The following CUBN variants were observed in gnomAD, a reference collection of about 807,000 sequenced individuals.
The protein encoded by CUBN is cubilin.
Under a neutral mutation model 405.3 loss-of-function variants are expected in CUBN, and 282 were observed. The ratio of observed to expected loss-of-function variants is 0.70; its 90% CI spans 0.63 to 0.77. The LOEUF is 0.77. CUBN is among the 30% of genes least tolerant of loss of function. CUBN has a pLI of 0.00. For missense variants in CUBN, 4,514 were observed against 4,475.2 expected (o/e 1.01, Z -0.25); for synonymous variants, 1,684 against 1,617.0 (o/e 1.04, Z -0.99).
chr10:17,019,411 T>C (rs758821679), intron 28 of CUBN, among the ~76,000 whole-genome samples: 18 of 152,060 alleles, frequency 1.2e-4, no homozygotes, highest in Non-Finnish European at 2.4e-4. Flanking sequence ...CTGACTTTCA[T>C]TCTTTCTAGT....
At chr10:16,878,351 C>G (rs867213993) in intron 56 of CUBN, among the ~76,000 whole-genome samples, 9 of 152,060 alleles carry the variant, frequency 5.9e-5, no homozygotes, top group Non-Finnish European at 1.2e-4. Flanking sequence ...ACTTTTGCAC[C>G]AACATAATAT....
At chr10:17,041,426 T>C (rs918093423) in intron 26 of CUBN, among the ~76,000 whole-genome samples, 1 of 151,846 alleles carries the variant, frequency 6.6e-6, no homozygotes, top group African/African-American at 2.4e-5. Flanking sequence ...AGTGAAAGGA[T>C]TTCCATTTAG....
At chr10:17,026,658 T>G (rs916602528) in intron 27 of CUBN, among the ~76,000 whole-genome samples, 1 of 150,680 alleles carries the variant, frequency 6.6e-6, no homozygotes, top group Non-Finnish European at 1.5e-5. Context: ...AAATAAATAA[T>G]AAGAATCACA....
At position 17,001,541 on chromosome 10, in the gene CUBN, C is replaced by G. The variant is rs181672115; in HGVS notation, c.4169-11026G>C. On this transcript the variant is annotated intron_variant, in intron 28 of 66. Coordinates refer to ENST00000377833, the MANE Select transcript of CUBN (RefSeq NM_001081.4). ...ATGCTTCAAGCTAGACAGAAAAGTT[C>G]TCCGAGTCCCCACTGGACCCAGGAA... Among the ~76,000 whole-genome samples the G allele has an allele frequency of 3.9e-4, 60 of 152,356 alleles. 1 individual carries two copies. The highest frequency in any genetic ancestry group is 1.4e-3 in the African/African-American group (59 of 41,594).
chr10:16,840,561 A>G lies in CUBN; in HGVS notation c.9827-26T>C, dbSNP rs1341609355. The G allele has an allele frequency of 3.3e-6, 5 of 1,528,736 alleles. No individual in the cohort carries two copies. In the South Asian group the frequency reaches 3.5e-5, roughly 11 times the overall value. 94.7% of individuals were successfully genotyped at this position (1,528,736 alleles called of 1,614,324 possible). A position where few individuals can be genotyped will look rare whatever the true frequency, so the allele number is the denominator to read the frequency against. ...CTGGAGAGGGAGGAAAAAGCAACAC[A>G]GGAGACATTTTATTCATGTCTCATC... On this transcript the variant is annotated intron_variant, in intron 61 of 66. Coordinates refer to ENST00000377833, the MANE Select transcript of CUBN (RefSeq NM_001081.4).
At position 16,939,001 on chromosome 10, in the gene CUBN, T is replaced by C. The variant is rs761221488; in HGVS notation, c.5695A>G (p.Ile1899Val). 6 of 1,613,954 alleles carry C rather than the reference T, an allele frequency of 3.7e-6. No individual in the cohort carries two copies. The highest frequency in any genetic ancestry group is 5.1e-6 in the Non-Finnish European group (6 of 1,179,846). ...TAATAGCAGTTTTGTATTTCTTCTA[T>C]GTCCATCTCCAAGATTCTACCATGG... ...VVHGRILEMD[I>V]EEIQNCYYDK... Residue 1899 changes from isoleucine (I) to valine (V), a missense_variant, in exon 38 of 67, where the codon ATA becomes GTA. Ile to Val is a conservative substitution (Grantham distance 29). Transcript: ENST00000377833.
At chr10:17,072,312 G>C (rs1392690626) in intron 17 of CUBN, among the ~76,000 whole-genome samples, 1 of 152,048 alleles carries the variant, frequency 6.6e-6, no homozygotes, top group African/African-American at 2.4e-5. Flanking sequence ...AAATACACGT[G>C]TTAGCCAAAT....
intron 38 of CUBN, among the ~76,000 whole-genome samples, chr10:16,938,577 T>C (rs1213337834): frequency 6.6e-6 from 1 of 152,278 alleles, no homozygotes; most frequent in South Asian, 2.1e-4. Context: ...AATGTCTGGA[T>C]AGCAATGATC....
At chr10:17,056,936 C>T (rs7922682) in intron 22 of CUBN, among the ~76,000 whole-genome samples, 131,497 of 152,120 alleles carry the variant, frequency 0.86, 57,230 homozygotes, top group East Asian at 0.95. Context: ...TCAAAAAGCA[C>T]GTGAAAAGGA....
chr10:16,888,422 A>C lies in CUBN; in HGVS notation c.8900T>G (p.Leu2967Ter). Residue 2967 changes from leucine to a stop codon, truncating the protein, a stop_gained, in exon 56 of 67, where the codon TTA becomes TGA. Transcript: ENST00000377833. LOFTEE classifies it high-confidence loss of function. The stretch of plus-strand genomic sequence containing the variant: ...TTTTAAAAGAATAAACTTACCTTCT[A>C]AGTGGAAGGACACAAAAGTCAAGAG... ...VVLLTFVSFH[L>*]EARSAVTGSC... 1 of 1,612,520 alleles carries C rather than the reference A, an allele frequency of 6.2e-7. No homozygotes were observed. The highest frequency in any genetic ancestry group is 2.2e-5 in the East Asian group (1 of 44,802).
intron 17 of CUBN, among the ~76,000 whole-genome samples, chr10:17,075,971 C>T (rs893678463): frequency 3.3e-5 from 5 of 152,132 alleles, no homozygotes; most frequent in African/African-American, 1.2e-4. Context: ...TACTGCAGTT[C>T]TTGAAAACTA....
intron 16 of CUBN, among the ~76,000 whole-genome samples, chr10:17,084,808 T>C (rs1468087484): frequency 6.6e-6 from 1 of 152,086 alleles, no homozygotes; most frequent in Non-Finnish European, 1.5e-5. Context: ...TACATAACTG[T>C]ATACATGAAG....
chr10:17,026,990 G>A (rs568169438), intron 27 of CUBN, among the ~76,000 whole-genome samples: 15 of 152,284 alleles, frequency 9.9e-5, no homozygotes, highest in African/African-American at 2.4e-4. Context: ...AAAACCCATC[G>A]AAATACCACA....
rs1445637553 is a variant in CUBN at position 17,123,629 on chromosome 10, G to T, written c.448C>A (p.Leu150Met). The change falls in exon 5 of 67, where the codon CTG (leucine) becomes ATG (methionine). Residue 150 changes from leucine to methionine, a missense_variant. By Grantham distance (15) the Leu-to-Met change is conservative (BLOSUM62 2). Transcript: ENST00000377833. ...PCQNGGTCLNLHDSFFCICPP... is the reference protein window; with the variant it reads ...PCQNGGTCLNMHDSFFCICPP... Reference sequence around the variant, plus strand: ...CAGATACAAAAAAAGGAATCATGCAGATTGAGGCAGGTTCCACCATTCTGG... The same window carrying T: ...CAGATACAAAAAAAGGAATCATGCATATTGAGGCAGGTTCCACCATTCTGG... The T allele has an allele frequency of 2.5e-6, 4 of 1,613,954 alleles. No individual in the cohort carries two copies. Among genetic ancestry groups the T allele is most frequent in the Admixed American group, 3.3e-5 (2 of 59,996 alleles).
At chr10:16,974,660 C>T (rs1214160604) in intron 31 of CUBN, among the ~76,000 whole-genome samples, 4 of 152,210 alleles carry the variant, frequency 2.6e-5, no homozygotes, top group African/African-American at 4.8e-5. Flanking sequence ...CGTGAGCCAC[C>T]GCGCCCGGCC....
chr10:16,836,236 T>C lies in CUBN; in HGVS notation c.10179A>G (p.Ala3393=). 1 of 1,613,620 alleles carries C rather than the reference T, an allele frequency of 6.2e-7. No homozygotes were observed. The highest frequency in any genetic ancestry group is 1.7e-4 in the Middle Eastern group (1 of 6,058). The change falls in exon 63 of 67, where the codon GCA becomes GCG. Residue 3393 remains alanine, a splice_region_variant and synonymous_variant. Coordinates refer to ENST00000377833, the MANE Select transcript of CUBN (RefSeq NM_001081.4). ...AAAAGATGAAGTTCCTGGCCTCACC[T>C]GCAATCTGATAGGTGAAACTCATTC... ...NSRMSFTYQI[A]DCNRDYHKAF... is the part of the protein sequence containing the mutation.
intron 53 of CUBN, 125 bp downstream of exon 53, chr10:16,900,500 A>AT: frequency 2.6e-6 from 2 of 781,704 alleles, no homozygotes; most frequent in Non-Finnish European, 4.5e-6. Context: ...GGGTTGCTGC[A>AT]TGAGATGACA....
rs1419667166 is a variant in CUBN, at chr10:17,129,230, C to T, written c.143G>A (p.Arg48Lys). The change falls in exon 2 of 67, where the codon AGA (arginine) becomes AAA (lysine). Residue 48 changes from arginine to lysine, a missense_variant. By Grantham distance (26) the Arg-to-Lys change is conservative. This residue lies in a region of CUBN where 1,448 missense variants were observed against 1,388.0 expected (regional missense o/e 1.04). Coordinates refer to ENST00000377833, the MANE Select transcript of CUBN (RefSeq NM_001081.4). ...CCCCGTAAGAAACACCAAATTTCCTCTCTCTGTAGCCATTCGAGGCCTATA... is the reference window on the plus strand; with the variant it reads ...CCCCGTAAGAAACACCAAATTTCCTTTCTCTGTAGCCATTCGAGGCCTATA... The part of the protein sequence containing the change: ...NLQQPRMATE[R>K]GNLVFLTGSA... The T allele has an allele frequency of 3.7e-6, 6 of 1,613,570 alleles. No individual in the cohort carries two copies. In the Admixed American group the frequency reaches 5.0e-5, roughly 13 times the overall value.
In CUBN at chr10:16,948,609, A is replaced by G; in HGVS notation, c.5081-3T>C. 1.2e-6 allele frequency: 2 copies of G among 1,613,674 alleles called. No individual in the cohort carries two copies. The highest frequency in any genetic ancestry group is 1.7e-6 in the Non-Finnish European group (2 of 1,179,760). ...CATGTCGGTGCCACAGTAACGGCCT[A>G]AATAATGAAGATAATGACAAGGAGA... On this transcript the variant is annotated splice_polypyrimidine_tract_variant and splice_region_variant and intron_variant, in intron 34 of 66. Coordinates refer to ENST00000377833, the MANE Select transcript of CUBN (RefSeq NM_001081.4).
Sources: gnomAD v4.1 joint callset for allele counts (sites outside exome capture counted in the v4.1 genomes callset) on GRCh38, gnomAD v4.1.1 for gene constraint, gnomAD v4.1.1 regional missense constraint, MANE v1.5 for transcripts, NCBI Gene and HGNC (gene_info 2026-07-23, HGNC 2026-07-21) for gene names.